Variants in UVRAG observed in about 807,000 individuals in gnomAD.
The protein encoded by UVRAG is UV radiation resistance associated, also known as UV radiation resistance-associated gene protein.
A neutral mutation model predicts 78.0 loss-of-function variants in UVRAG; 19 were observed. That is an observed-to-expected ratio of 0.24 (90% CI 0.17 to 0.36). The LOEUF (loss-of-function observed/expected upper bound fraction) is 0.36. Ranked by LOEUF, UVRAG falls within the 10% of genes least tolerant of loss-of-function variation. The pLI is 1.00. For synonymous variants in UVRAG, 323 were observed against 324.6 expected (o/e 1.00, Z 0.05); for missense variants, 740 against 853.8 (o/e 0.87, Z 1.66).
intron 13 of UVRAG, among the ~76,000 whole-genome samples, chr11:76,083,265 AT>A (rs1324831527): frequency 6.6e-6 from 1 of 152,188 alleles, no homozygotes; most frequent in Non-Finnish European, 1.5e-5. Flanking sequence ...TGGATGAGGA[AT>A]TTTTAAAAAA....
At chr11:75,862,979 C>T (rs1022017761) in intron 3 of UVRAG, among the ~76,000 whole-genome samples, 1 of 152,168 alleles carries the variant, frequency 6.6e-6, no homozygotes, top group Admixed American at 6.5e-5. Flanking sequence ...CTTAGAACAA[C>T]CTGTAAAGTA....
intron 8 of UVRAG, among the ~76,000 whole-genome samples, chr11:75,987,991 G>A (rs1949534053): frequency 6.6e-6 from 1 of 152,146 alleles, no homozygotes; most frequent in Non-Finnish European, 1.5e-5. Context: ...GCCCGCCTTG[G>A]CCTCCCAAAG....
chr11:75,903,887 T>C (rs1947562188), intron 5 of UVRAG, among the ~76,000 whole-genome samples: 1 of 152,274 alleles, frequency 6.6e-6, no homozygotes, highest in African/African-American at 2.4e-5. Flanking sequence ...TATTTCTGTA[T>C]ACATTTTGTA....
chr11:76,009,962 C>T (rs1355553257), intron 11 of UVRAG, among the ~76,000 whole-genome samples: 1 of 143,488 alleles, frequency 7.0e-6, no homozygotes, highest in Non-Finnish European at 1.5e-5. Flanking sequence ...CTTTAATACT[C>T]ACAAAAACAA....
chr11:76,132,222 C>T (rs576619312), intron 14 of UVRAG, among the ~76,000 whole-genome samples: 10 of 152,338 alleles, frequency 6.6e-5, no homozygotes, highest in Admixed American at 6.5e-4. Context: ...TAAACACCTC[C>T]ATGTAGAGGT....
intron 6 of UVRAG, among the ~76,000 whole-genome samples, chr11:75,952,654 T>C (rs1948726031): frequency 6.6e-6 from 1 of 152,136 alleles, no homozygotes; most frequent in African/African-American, 2.4e-5. Context: ...TCCAGTTGCT[T>C]TATCCTTTTC....
At chr11:76,128,308 T>TATTA (rs1335267656) in intron 14 of UVRAG, among the ~76,000 whole-genome samples, 1 of 152,172 alleles carries the variant, frequency 6.6e-6, no homozygotes, top group Non-Finnish European at 1.5e-5. Flanking sequence ...GAGAAGCTAA[T>TATTA]GCCTGATGAT....
intron 1 of UVRAG, among the ~76,000 whole-genome samples, chr11:75,839,455 T>C (rs1565339480): frequency 6.6e-6 from 1 of 151,558 alleles, no homozygotes; most frequent in Non-Finnish European, 1.5e-5. Flanking sequence ...TTCTGGAATT[T>C]AATGTAAGGC....
intron 1 of UVRAG, among the ~76,000 whole-genome samples, chr11:75,824,674 T>G (rs923534139): frequency 7.0e-6 from 1 of 143,710 alleles, no homozygotes; most frequent in African/African-American, 2.7e-5. Flanking sequence ...TTGTCATTTT[T>G]TTTTTTTTTT....
intron 1 of UVRAG, among the ~76,000 whole-genome samples, chr11:75,837,306 G>A (rs1170975109): frequency 2.2e-5 from 3 of 135,326 alleles, no homozygotes; most frequent in Admixed American, 8.4e-5. Context: ...CGGCCTGGGC[G>A]ACAGAGTGAG....
intron 2 of UVRAG, among the ~76,000 whole-genome samples, chr11:75,856,163 G>C (rs956399101): frequency 6.6e-6 from 1 of 151,882 alleles, no homozygotes; most frequent in African/African-American, 2.4e-5. Context: ...CTAATTTTTT[G>C]TATTTTTAGT....
chr11:75,825,915 C>T (rs552502267), intron 1 of UVRAG, among the ~76,000 whole-genome samples: 8 of 151,916 alleles, frequency 5.3e-5, no homozygotes, highest in Non-Finnish European at 1.0e-4. Flanking sequence ...CGGCTCACTG[C>T]AACCTCCACC....
intron 12 of UVRAG, among the ~76,000 whole-genome samples, chr11:76,044,635 A>G (rs1235466364): frequency 6.6e-6 from 1 of 152,036 alleles, no homozygotes; most frequent in South Asian, 2.1e-4. Context: ...TTAGCCGGGC[A>G]TGGCAGCATG....
chr11:76,065,909 T>A, intron 13 of UVRAG, 121 bp downstream of exon 13: 1 of 811,000 alleles, frequency 1.2e-6, no homozygotes, highest in Non-Finnish European at 2.0e-6. Flanking sequence ...CCAGTTACAT[T>A]AGTAATACAC....
chr11:76,094,210 AC>A (rs1951750433), intron 13 of UVRAG, among the ~76,000 whole-genome samples: 1 of 152,168 alleles, frequency 6.6e-6, no homozygotes, highest in Non-Finnish European at 1.5e-5. Context: ...GATGAAGCCC[AC>A]TTGATCATGG....
At chr11:76,030,167 G>A (rs1012824295) in intron 12 of UVRAG, among the ~76,000 whole-genome samples, 1 of 151,638 alleles carries the variant, frequency 6.6e-6, no homozygotes, top group African/African-American at 2.4e-5. Context: ...AACTGTATGA[G>A]TCACTCTTTA....
At chr11:76,060,797 C>G (rs182977857) in intron 12 of UVRAG, among the ~76,000 whole-genome samples, 1 of 152,230 alleles carries the variant, frequency 6.6e-6, no homozygotes, top group African/African-American at 2.4e-5. Flanking sequence ...CAGCTGCCTC[C>G]CCGTGGGGCA....
intron 5 of UVRAG, among the ~76,000 whole-genome samples, chr11:75,899,560 A>G (rs1206919212): frequency 6.6e-6 from 1 of 152,150 alleles, no homozygotes; most frequent in African/African-American, 2.4e-5. Flanking sequence ...TAGCAGATCC[A>G]TGATTCGAGC....
At chr11:75,845,550 C>T (rs1404523792) in intron 1 of UVRAG, among the ~76,000 whole-genome samples, 2 of 152,160 alleles carry the variant, frequency 1.3e-5, no homozygotes, top group East Asian at 3.8e-4. Context: ...GAGCTGGATT[C>T]TATTATCCTA....
Sources: gnomAD v4.1 joint callset for allele counts (sites outside exome capture counted in the v4.1 genomes callset) on GRCh38, gnomAD v4.1.1 for gene constraint, MANE v1.5 for transcripts, NCBI Gene and HGNC (gene_info 2026-07-23, HGNC 2026-07-21) for gene names.